Variants in PLD1 observed in about 807,000 individuals in gnomAD.
The protein encoded by PLD1 is phospholipase D1, also known as choline phosphatase 1.
A neutral mutation model predicts 137.1 loss-of-function variants in PLD1; 112 were observed. That is an observed-to-expected ratio of 0.82 (90% CI 0.70 to 0.96). The LOEUF is 0.96. Among genes scored for constraint, PLD1 ranks in the 40% least tolerant of loss-of-function variants. The pLI is 0.00. For synonymous variants in PLD1, 431 were observed against 454.7 expected (o/e 0.95, Z 0.66); for missense variants, 1,321 against 1,342.0 (o/e 0.98, Z 0.24).
intron 2 of PLD1, 100 bp downstream of exon 2, chr3:171,737,792 T>C: frequency 7.1e-7 from 1 of 1,413,384 alleles, no homozygotes; most frequent in South Asian, 1.4e-5. Context: ...GTGTTACATC[T>C]GCAAGGAAAA....
intron 11 of PLD1, among the ~76,000 whole-genome samples, chr3:171,708,367 A>G (rs778993081): frequency 1.3e-5 from 2 of 152,226 alleles, no homozygotes; most frequent in African/African-American, 4.8e-5. Context: ...CTATTTCAAC[A>G]TCAAAAGGAC....
At chr3:171,696,173 A>T (rs1715671059) in intron 12 of PLD1, among the ~76,000 whole-genome samples, 2 of 152,226 alleles carry the variant, frequency 1.3e-5, no homozygotes, top group Admixed American at 1.3e-4. Context: ...CATAGGAAAT[A>T]TCACAAGCTT....
chr3:171,803,978 C>T (rs1179671598), intron 1 of PLD1, among the ~76,000 whole-genome samples: 1 of 152,116 alleles, frequency 6.6e-6, no homozygotes, highest in African/African-American at 2.4e-5. Context: ...ACTTCATCCC[C>T]AAATTCTGTA....
At chr3:171,657,413 C>T (rs563698944) in intron 21 of PLD1, among the ~76,000 whole-genome samples, 40 of 152,238 alleles carry the variant, frequency 2.6e-4, no homozygotes, top group African/African-American at 7.5e-4. Context: ...TTCTTCACTG[C>T]GTGCATTCAA....
At chr3:171,803,360 G>T (rs369483765) in intron 1 of PLD1, among the ~76,000 whole-genome samples, 1 of 152,236 alleles carries the variant, frequency 6.6e-6, no homozygotes, top group East Asian at 1.9e-4. Context: ...GAGAAAGAAA[G>T]ATGGGGTGGA....
At chr3:171,667,277 G>C (rs1395598257) in intron 19 of PLD1, among the ~76,000 whole-genome samples, 1 of 152,190 alleles carries the variant, frequency 6.6e-6, no homozygotes, top group Non-Finnish European at 1.5e-5. Flanking sequence ...AGACTGTACT[G>C]AGAACAGCAG....
chr3:171,708,488 T>C (rs186840518), intron 11 of PLD1, among the ~76,000 whole-genome samples: 8 of 152,328 alleles, frequency 5.3e-5, no homozygotes, highest in Non-Finnish European at 1.2e-4. Flanking sequence ...CAGTATAATC[T>C]TTACTGACAT....
intron 1 of PLD1, among the ~76,000 whole-genome samples, chr3:171,781,400 G>GA (rs915075158): frequency 2.2e-4 from 32 of 147,790 alleles, no homozygotes; most frequent in East Asian, 4.0e-4. Context: ...AACATAAAAA[G>GA]AAAAAAAAAC....
intron 23 of PLD1, among the ~76,000 whole-genome samples, chr3:171,631,008 G>A (rs1466818102): frequency 6.6e-6 from 1 of 151,504 alleles, no homozygotes; most frequent in African/African-American, 2.4e-5. Context: ...AAAACTTAAA[G>A]TATAATAATA....
chr3:171,800,785 G>A (rs1723612301), intron 1 of PLD1, among the ~76,000 whole-genome samples: 1 of 152,156 alleles, frequency 6.6e-6, no homozygotes, highest in Admixed American at 6.5e-5. Context: ...GTCTGGTGAA[G>A]GCCTGCTTCC....
intron 1 of PLD1, among the ~76,000 whole-genome samples, chr3:171,753,420 T>G (rs1431799191): frequency 6.6e-6 from 1 of 152,006 alleles, no homozygotes; most frequent in African/African-American, 2.4e-5. Context: ...TAAGCCACCT[T>G]GCTTTCCAGT....
At chr3:171,710,341 G>A (rs1717076414) in intron 9 of PLD1, among the ~76,000 whole-genome samples, 2 of 152,110 alleles carry the variant, frequency 1.3e-5, no homozygotes, top group Admixed American at 6.5e-5. Flanking sequence ...GATTACAGGC[G>A]TGGTCCCCAA....
intron 23 of PLD1, among the ~76,000 whole-genome samples, chr3:171,639,617 AT>A (rs1445693480): frequency 1.3e-4 from 9 of 71,200 alleles, no homozygotes; most frequent in African/African-American, 7.7e-4. Flanking sequence ...TATATTATAT[AT>A]AATATATATT....
At chr3:171,609,207 G>A (rs1471337264) in intron 25 of PLD1, among the ~76,000 whole-genome samples, 1 of 152,036 alleles carries the variant, frequency 6.6e-6, no homozygotes, top group Admixed American at 6.6e-5. Context: ...ACACCAATCA[G>A]AATGACTATT....
intron 19 of PLD1, among the ~76,000 whole-genome samples, chr3:171,671,435 T>C (rs571752232): frequency 6.6e-6 from 1 of 152,334 alleles, no homozygotes; most frequent in East Asian, 1.9e-4. Flanking sequence ...TTCCTAGTCG[T>C]GATGTCCCTT....
At chr3:171,659,145 T>C in intron 21 of PLD1, 68 bp downstream of exon 21, 1 of 1,100,950 alleles carries the variant, frequency 9.1e-7, no homozygotes, top group South Asian at 1.3e-5. Flanking sequence ...AAAATGGGCT[T>C]TGCAAAGTCA....
At chr3:171,634,018 T>C (rs1734901087) in intron 23 of PLD1, among the ~76,000 whole-genome samples, 1 of 152,208 alleles carries the variant, frequency 6.6e-6, no homozygotes, top group South Asian at 2.1e-4. Context: ...AATTAGAGAT[T>C]AGCTAGTTCA....
intron 1 of PLD1, among the ~76,000 whole-genome samples, chr3:171,748,648 G>T (rs1720437608): frequency 1.3e-5 from 2 of 151,656 alleles, no homozygotes; most frequent in Admixed American, 1.3e-4. Context: ...TCAATTTTTT[G>T]GCCATCTATG....
Position 171,603,208 on chromosome 3 carries a change from C to A in PLD1, c.3095G>T (p.Arg1032Leu). 6.2e-7 allele frequency: 1 copy of A among 1,613,976 alleles called. No homozygotes were observed. The highest frequency in any genetic ancestry group is 1.7e-5 in the Admixed American group (1 of 60,006). Reference protein sequence around the residue: ...KPVLAKEDPIRAEEELKKIRG... With the variant: ...KPVLAKEDPILAEEELKKIRG... Reference sequence around the variant, plus strand: ...GATCTTCTTCAGTTCCTCCTCAGCTCGAATGGGATCTTCCTTAGCTAATAC... The same window carrying A: ...GATCTTCTTCAGTTCCTCCTCAGCTAGAATGGGATCTTCCTTAGCTAATAC... The change falls in exon 27 of 27, where the codon CGA (arginine) becomes CTA (leucine). Residue 1032 changes from arginine to leucine, a missense_variant. Physicochemically the swap from Arg to Leu is moderately radical, Grantham distance 102 (BLOSUM62 -2). Transcript: ENST00000351298.
Sources: allele counts gnomAD v4.1 joint callset (sites outside exome capture counted in the v4.1 genomes callset), GRCh38; gene constraint gnomAD v4.1.1; transcripts MANE v1.5; gene names NCBI Gene and HGNC (gene_info 2026-07-23, HGNC 2026-07-21).